Variants in FMN1 observed in about 807,000 individuals in gnomAD.
FMN1 encodes the protein formin 1.
Under a neutral mutation model 132.4 loss-of-function variants are expected in FMN1, and 110 were observed. That is an observed-to-expected ratio of 0.83 (90% CI 0.71 to 0.97). The LOEUF (loss-of-function observed/expected upper bound fraction) is 0.97. Among genes scored for constraint, FMN1 ranks in the 50% least tolerant of loss-of-function variants. FMN1 has a pLI of 0.00. For synonymous variants in FMN1, 722 were observed against 651.7 expected, an observed-to-expected ratio of 1.11 and a Z score of -1.64; for missense variants, 1,792 against 1,705.3, an observed-to-expected ratio of 1.05 and a Z score of -0.90.
intron 7 of FMN1, among the ~76,000 whole-genome samples, chr15:32,970,166 T>A (rs1270802555): frequency 6.6e-6 from 1 of 152,214 alleles, no homozygotes; most frequent in African/African-American, 2.4e-5. Context: ...TAGTAGCCTT[T>A]TTAATGCTTA....
At chr15:32,937,420 T>C (rs1352396685) in intron 9 of FMN1, among the ~76,000 whole-genome samples, 1 of 152,232 alleles carries the variant, frequency 6.6e-6, no homozygotes, top group African/African-American at 2.4e-5. Flanking sequence ...GGTTTCATGC[T>C]CACCTGGGGT....
chr15:33,087,131 G>GA (rs1170553661), intron 5 of FMN1, among the ~76,000 whole-genome samples: 1 of 152,224 alleles, frequency 6.6e-6, no homozygotes, highest in Non-Finnish European at 1.5e-5. Context: ...GGATTGCAGA[G>GA]AATCACAATA....
At chr15:33,183,058 C>G (rs146062881) in intron 2 of FMN1, among the ~76,000 whole-genome samples, 1,666 of 152,294 alleles carry the variant, frequency 0.011, 24 homozygotes, top group African/African-American at 0.037. Flanking sequence ...CTTAAATACA[C>G]TGTCCTATGA....
chr15:32,925,189 G>GAA (rs1464711186), intron 10 of FMN1, among the ~76,000 whole-genome samples: 1 of 152,142 alleles, frequency 6.6e-6, no homozygotes, highest in East Asian at 1.9e-4. Flanking sequence ...CCAAATGAAG[G>GAA]AAAGTATTCC....
intron 6 of FMN1, among the ~76,000 whole-genome samples, chr15:33,033,969 C>T (rs189617277): frequency 6.9e-4 from 105 of 152,188 alleles, no homozygotes; most frequent in African/African-American, 2.5e-3. Context: ...TTTCTCATTT[C>T]TCCTCTTCAT....
chr15:32,979,534 CA>C (rs2032478595), intron 7 of FMN1, among the ~76,000 whole-genome samples: 1 of 114,204 alleles, frequency 8.8e-6, no homozygotes, highest in South Asian at 2.9e-4. Flanking sequence ...GCAGCCTGCG[CA>C]ACAGAGCAAG....
chr15:32,889,217 T>C (rs181634143), intron 15 of FMN1, among the ~76,000 whole-genome samples: 5 of 152,338 alleles, frequency 3.3e-5, no homozygotes, highest in Admixed American at 2.0e-4. Flanking sequence ...TCCACTGCTA[T>C]AGCTAATGGA....
rs535491594 is a variant in FMN1 at position 32,869,446 on chromosome 15, A to T, written c.3836-12339T>A. Among the ~76,000 whole-genome samples, 58 of 152,314 alleles carry T rather than the reference A, an allele frequency of 3.8e-4. No homozygotes were observed. In the South Asian group the frequency reaches 0.012, roughly 31 times the overall value. ...AATCAGAGTAAGGGAGGGAGTCATG[A>T]GCAAGCTCGAGGTGGAAAATCAAAG... On this transcript the variant is annotated intron_variant, in intron 16 of 20. Transcript: ENST00000616417.
intron 17 of FMN1, among the ~76,000 whole-genome samples, chr15:32,828,322 T>C (rs1284905019): frequency 6.6e-6 from 1 of 152,216 alleles, no homozygotes; most frequent in Non-Finnish European, 1.5e-5. Context: ...TCAATAGATA[T>C]TAAAAATTAG....
Position 32,999,354 on chromosome 15 carries a change from T to C in FMN1, c.2223+8660A>G, listed in dbSNP as rs60916301. On this transcript the variant is annotated intron_variant, in intron 7 of 20. Transcript: ENST00000616417. Reference sequence around the variant, plus strand: ...GTATCAGCTCAAATAGAGTCTGCACTCAATTCTGTTTCAACAGCAATGTGT... The same window carrying C: ...GTATCAGCTCAAATAGAGTCTGCACCCAATTCTGTTTCAACAGCAATGTGT... Among the ~76,000 whole-genome samples, 774 of 152,352 alleles carry C rather than the reference T, an allele frequency of 5.1e-3. 5 individuals are homozygous for C. Among genetic ancestry groups the C allele is most frequent in the African/African-American group, 0.018 (753 of 41,582 alleles).
At chr15:32,997,421 T>G (rs892541553) in intron 7 of FMN1, among the ~76,000 whole-genome samples, 7 of 151,666 alleles carry the variant, frequency 4.6e-5, no homozygotes, top group Non-Finnish European at 8.8e-5. Context: ...AAATTAAAAC[T>G]TAAAAAATCA....
chr15:33,039,503 C>T (rs1012176479), intron 6 of FMN1, among the ~76,000 whole-genome samples: 5 of 152,108 alleles, frequency 3.3e-5, no homozygotes, highest in Non-Finnish European at 7.4e-5. Flanking sequence ...TTTTATGAAA[C>T]GTTCTGCTGG....
At chr15:32,945,058 T>C (rs1182260486) in intron 9 of FMN1, among the ~76,000 whole-genome samples, 1 of 152,194 alleles carries the variant, frequency 6.6e-6, no homozygotes, top group Non-Finnish European at 1.5e-5. Context: ...GACAGTTTGT[T>C]AAATTAGCCC....
chr15:33,038,100 T>C (rs189378765), intron 6 of FMN1, among the ~76,000 whole-genome samples: 5 of 152,306 alleles, frequency 3.3e-5, no homozygotes, highest in African/African-American at 1.2e-4. Context: ...CAGTGGTGCA[T>C]GCCTGTAATC....
intron 17 of FMN1, among the ~76,000 whole-genome samples, chr15:32,828,794 C>T (rs535896015): frequency 1.3e-5 from 2 of 152,164 alleles, no homozygotes; most frequent in Non-Finnish European, 2.9e-5. Flanking sequence ...GAATAGAAAG[C>T]ATACATTCCG....
chr15:32,896,632 T>C (rs374124957), intron 15 of FMN1, among the ~76,000 whole-genome samples: 1 of 151,208 alleles, frequency 6.6e-6, no homozygotes, highest in Non-Finnish European at 1.5e-5. Context: ...TTGACTACTT[T>C]AGATACTTAT....
chr15:32,783,539 C>T (rs1015042332), intron 19 of FMN1, among the ~76,000 whole-genome samples: 3 of 151,964 alleles, frequency 2.0e-5, no homozygotes, highest in African/African-American at 7.2e-5. Flanking sequence ...GAAGTCAGAT[C>T]GAAACCATCC....
intron 6 of FMN1, among the ~76,000 whole-genome samples, chr15:33,021,881 A>C (rs1373229441): frequency 6.6e-6 from 1 of 152,224 alleles, no homozygotes; most frequent in African/African-American, 2.4e-5. Flanking sequence ...TAAAAATCAT[A>C]GTCAACAACA....
At chr15:32,848,355 C>CGT (rs1473042944) in intron 17 of FMN1, among the ~76,000 whole-genome samples, 1 of 61,594 alleles carries the variant, frequency 1.6e-5, no homozygotes, top group South Asian at 5.4e-4. Flanking sequence ...TGCGTGCACA[C>CGT]GTGTGTGTGT....
Sources: gnomAD v4.1 joint callset for allele counts (sites outside exome capture counted in the v4.1 genomes callset) on GRCh38, gnomAD v4.1.1 for gene constraint, MANE v1.5 for transcripts, NCBI Gene and HGNC (gene_info 2026-07-23, HGNC 2026-07-21) for gene names.